The following SLC2A13 variants were observed in gnomAD, a reference collection of about 807,000 sequenced individuals.
The protein encoded by SLC2A13 is solute carrier family 2 member 13.
A neutral mutation model predicts 64.4 loss-of-function variants in SLC2A13; 32 were observed. The observed-to-expected ratio is 0.50, with a 90% CI of 0.37 to 0.67. The LOEUF (loss-of-function observed/expected upper bound fraction) is 0.67. Ranked by LOEUF, SLC2A13 falls within the 30% of genes least tolerant of loss-of-function variation. The pLI is 0.00. For synonymous variants in SLC2A13, 338 were observed against 327.1 expected (o/e 1.03, Z -0.36); for missense variants, 743 against 829.2 (o/e 0.90, Z 1.28).
chr12:39,956,935 C>T (rs1946324150), intron 3 of SLC2A13, among the ~76,000 whole-genome samples: 1 of 152,098 alleles, frequency 6.6e-6, no homozygotes, highest in Admixed American at 6.5e-5. Flanking sequence ...AATCACTGCT[C>T]AGCTTCAAAT....
chr12:40,083,552 C>T (rs1266317907), intron 1 of SLC2A13, among the ~76,000 whole-genome samples: 3 of 152,190 alleles, frequency 2.0e-5, no homozygotes, highest in African/African-American at 7.2e-5. Context: ...ATCACCACTG[C>T]AGCACTGCAG....
chr12:40,021,799 C>T lies in SLC2A13; in HGVS notation c.925+6502G>A, dbSNP rs533652370. Among the ~76,000 whole-genome samples the T allele has an allele frequency of 5.3e-5, 8 of 152,258 alleles. No homozygotes were observed. The East Asian group carries it at 1.5e-3, about 29-fold the overall frequency. On this transcript the variant is annotated intron_variant, in intron 3 of 9. Transcript: ENST00000280871. ...TATTAGAGAGAATGACTATTTTCCT[C>T]TAAGTGCAGCAGATGTCAATTGCAA... is the stretch of plus-strand genomic sequence containing the variant.
At chr12:39,973,151 C>A (rs1946695569) in intron 3 of SLC2A13, among the ~76,000 whole-genome samples, 1 of 152,222 alleles carries the variant, frequency 6.6e-6, no homozygotes, top group South Asian at 2.1e-4. Context: ...TCTAAGCAGG[C>A]TTTCCTCTCC....
intron 4 of SLC2A13, among the ~76,000 whole-genome samples, chr12:39,930,450 G>A (rs1162076434): frequency 1.3e-5 from 2 of 152,200 alleles, no homozygotes; most frequent in East Asian, 3.8e-4. Context: ...GGAAGAATGT[G>A]TGAATGTGAA....
At chr12:40,075,034 C>T (rs1387686403) in intron 1 of SLC2A13, among the ~76,000 whole-genome samples, 2 of 152,152 alleles carry the variant, frequency 1.3e-5, no homozygotes, top group African/African-American at 4.8e-5. Context: ...TGTGTTTTAA[C>T]TAATTTTTTC....
At chr12:39,769,092 G>C (rs1940466857) in intron 7 of SLC2A13, among the ~76,000 whole-genome samples, 1 of 151,982 alleles carries the variant, frequency 6.6e-6, no homozygotes, top group Admixed American at 6.6e-5. Flanking sequence ...CCATGCTGTT[G>C]GGCTGTATTA....
rs1939276884 is a variant in SLC2A13 at position 40,105,465 on chromosome 12, A to G, written c.344T>C (p.Leu115Pro). ...CAGCAGCTCCTGCCACAGCGCGTCCAGACTGAGCTGCCGCTTGAGCAGCAG... is the reference window on the plus strand; with the variant it reads ...CAGCAGCTCCTGCCACAGCGCGTCCGGACTGAGCTGCCGCTTGAGCAGCAG... ...AMLLLKRQLSLDALWQELLVS... is the reference protein window; with the variant it reads ...AMLLLKRQLSPDALWQELLVS... Residue 115 changes from leucine to proline, a missense_variant, in exon 1 of 10, where the codon CTG becomes CCG. Coordinates refer to ENST00000280871, the MANE Select transcript of SLC2A13 (RefSeq NM_052885.4). The surrounding 1 kb of genome is among the most constrained non-coding windows in gnomAD (Gnocchi z 4.2). The G allele has an allele frequency of 6.4e-7, 1 of 1,563,210 alleles. No homozygotes were observed. The highest frequency in any genetic ancestry group is 2.4e-5 in the East Asian group (1 of 41,850).
At chr12:39,888,685 T>C (rs1369208195) in intron 4 of SLC2A13, among the ~76,000 whole-genome samples, 1 of 152,250 alleles carries the variant, frequency 6.6e-6, no homozygotes, top group Non-Finnish European at 1.5e-5. Flanking sequence ...TGTTTGCTAA[T>C]AATGTGATGT....
chr12:39,825,348 A>C (rs1942640666), intron 7 of SLC2A13, among the ~76,000 whole-genome samples: 1 of 152,216 alleles, frequency 6.6e-6, no homozygotes, highest in Non-Finnish European at 1.5e-5. Context: ...TTTGTCAATA[A>C]CATACTTTCT....
chr12:39,879,976 T>G (rs1944299256), intron 4 of SLC2A13, among the ~76,000 whole-genome samples: 1 of 152,202 alleles, frequency 6.6e-6, no homozygotes, highest in South Asian at 2.1e-4. Flanking sequence ...CATGGTTTGG[T>G]CCTGTCTTAA....
At chr12:39,937,469 T>C (rs187911231) in intron 4 of SLC2A13, among the ~76,000 whole-genome samples, 7 of 152,282 alleles carry the variant, frequency 4.6e-5, no homozygotes, top group Admixed American at 3.3e-4. Flanking sequence ...AGGTTCTGCT[T>C]TATTGGCACA....
chr12:39,899,776 T>G (rs546245189), intron 4 of SLC2A13, among the ~76,000 whole-genome samples: 22 of 152,180 alleles, frequency 1.4e-4, no homozygotes, highest in Non-Finnish European at 3.1e-4. Context: ...TCAGTTTCCA[T>G]GTAGTTGAGC....
rs1939982727 is a variant in SLC2A13, at chr12:39,756,904, T to TATC, written c.*3119_*3121dup. The TATC allele has an allele frequency of 6.6e-6, 1 of 151,672 alleles. No homozygotes were observed. Among genetic ancestry groups the TATC allele is most frequent in the East Asian group, 1.9e-4 (1 of 5,190 alleles). 9.4% of individuals were successfully genotyped at this position (151,672 alleles called of 1,614,324 possible). A position where few individuals can be genotyped will look rare whatever the true frequency, so the allele number is the denominator to read the frequency against. On this transcript the variant is annotated 3_prime_UTR_variant, in exon 10 of 10. Coordinates refer to ENST00000280871, the MANE Select transcript of SLC2A13 (RefSeq NM_052885.4). Reference sequence around the variant, plus strand: ...TAGTCGGTATTCTCATAGCATTTTGTATCAGGGAACTACTGTGTATGGCTG... The same window carrying TATC: ...TAGTCGGTATTCTCATAGCATTTTGTATCATCAGGGAACTACTGTGTATGGCTG...
rs148154088 is a variant in SLC2A13, at chr12:40,073,400, C to A, written c.557-25190G>T. 1.2e-3 allele frequency among the ~76,000 whole-genome samples: 188 copies of A among 152,168 alleles called. 2 individuals are homozygous for A. The highest frequency in any genetic ancestry group is 4.4e-3 in the African/African-American group (181 of 41,518). On this transcript the variant is annotated intron_variant, in intron 1 of 9. Transcript: ENST00000280871. ...AAGTATAGACAAGTATATATATAGA[C>A]AAGCACACATAATCAAAGGCATTAT...
At chr12:39,921,208 C>T (rs1444687964) in intron 4 of SLC2A13, among the ~76,000 whole-genome samples, 1 of 152,042 alleles carries the variant, frequency 6.6e-6, no homozygotes, top group African/African-American at 2.4e-5. Flanking sequence ...TGCATGATCC[C>T]TGGTGTTTGC....
At chr12:39,866,212 C>T (rs140952094) in intron 5 of SLC2A13, among the ~76,000 whole-genome samples, 1 of 152,254 alleles carries the variant, frequency 6.6e-6, no homozygotes, top group African/African-American at 2.4e-5. Context: ...CATTGAGAAG[C>T]ATCGTGGAAG....
At chr12:39,972,231 T>C (rs1050628157) in intron 3 of SLC2A13, among the ~76,000 whole-genome samples, 1 of 151,614 alleles carries the variant, frequency 6.6e-6, no homozygotes, top group African/African-American at 2.4e-5. Context: ...AAGAATCACA[T>C]GGCAGGAACA....
intron 4 of SLC2A13, among the ~76,000 whole-genome samples, chr12:39,930,495 C>A (rs1021844777): frequency 2.0e-5 from 3 of 152,068 alleles, no homozygotes; most frequent in Non-Finnish European, 4.4e-5. Context: ...TTGGAAGAAG[C>A]ATTTCATCTT....
At chr12:39,946,316 C>T (rs1256716225) in intron 4 of SLC2A13, among the ~76,000 whole-genome samples, 2 of 152,172 alleles carry the variant, frequency 1.3e-5, no homozygotes, top group Non-Finnish European at 2.9e-5. Flanking sequence ...TGGTTTAACG[C>T]TCTATTTTTG....
Sources: gnomAD v4.1 joint callset for allele counts (sites outside exome capture counted in the v4.1 genomes callset) on GRCh38, gnomAD v4.1.1 for gene constraint, Gnocchi (gnomAD v3.1) non-coding constraint, MANE v1.5 for transcripts, NCBI Gene and HGNC (gene_info 2026-07-23, HGNC 2026-07-21) for gene names.